Variants in NAMPT observed in about 807,000 individuals in gnomAD.
NAMPT encodes NAmPRTase.
In NAMPT, 7 loss-of-function variants were observed where a neutral mutation model predicts 58.7. The observed-to-expected ratio is 0.12, with a 90% confidence interval of 0.07 to 0.22. The LOEUF is 0.22. Among genes scored for constraint, NAMPT ranks in the 10% least tolerant of loss-of-function variants. The pLI is 1.00. For missense variants in NAMPT, 271 were observed against 567.9 expected, an observed-to-expected ratio of 0.48 and a Z score of 5.31; for synonymous variants, 145 against 198.1, an observed-to-expected ratio of 0.73 and a Z score of 2.25.
intron 1 of NAMPT, among the ~76,000 whole-genome samples, chr7:106,283,562 A>G (rs1395859754): frequency 6.6e-6 from 1 of 152,204 alleles, no homozygotes; most frequent in Non-Finnish European, 1.5e-5. Flanking sequence ...GAACCAAGAG[A>G]ACACAAGAGG....
intron 2 of NAMPT, chr7:106,275,478 C>G (rs919161024): frequency 6.5e-6 from 1 of 153,390 alleles, no homozygotes; most frequent in East Asian, 1.9e-4. Context: ...GTCTGCCCCC[C>G]AAACAACACA....
At chr7:106,285,411 C>T, upstream of NAMPT, 1 of 539,072 alleles carries the variant, frequency 1.9e-6, no homozygotes. Flanking sequence ...GTTCGCCCGC[C>T]CCGCCTGGGA....
Position 106,269,026 on chromosome 7 carries a change from G to C in NAMPT, c.606+128C>G, listed in dbSNP as rs1035313174. The C allele has an allele frequency of 4.4e-5, 36 of 811,142 alleles. No individual in the cohort carries two copies. The African/African-American group carries it at 6.3e-4, about 14-fold the overall frequency. 50.2% of individuals were successfully genotyped at this position (811,142 alleles called of 1,614,324 possible). On this transcript the variant is annotated intron_variant, in intron 5 of 10. Transcript: ENST00000222553. ...GAACACAGTAGTAGGTACTGAATAT[G>C]TATCTGTTGGTTGAATCTTTGGAAT...
intron 8 of NAMPT, among the ~76,000 whole-genome samples, chr7:106,259,743 T>C (rs142659826): frequency 3.1e-4 from 47 of 152,294 alleles, no homozygotes; most frequent in African/African-American, 1.0e-3. Context: ...TCCTAAATAA[T>C]AGCATCTGAA....
At position 106,250,944 on chromosome 7, in the gene NAMPT, A is replaced by G; in HGVS notation, c.*139T>C. On this transcript the variant is annotated 3_prime_UTR_variant, in exon 11 of 11. Transcript: ENST00000222553. ...ATTTGAGATCACCTAAACACTGGAAAAGAAAAAAAATGAAAGGGCAGTATG... is the reference window on the plus strand; with the variant it reads ...ATTTGAGATCACCTAAACACTGGAAGAGAAAAAAAATGAAAGGGCAGTATG... The G allele has an allele frequency of 1.5e-6, 1 of 652,410 alleles. No individual in the cohort carries two copies. Among genetic ancestry groups the G allele is most frequent in the East Asian group, 2.8e-5 (1 of 35,768 alleles). 40.4% of individuals were successfully genotyped at this position (652,410 alleles called of 1,614,324 possible).
chr7:106,257,047 A>G (rs571059258), intron 8 of NAMPT, among the ~76,000 whole-genome samples: 2 of 151,954 alleles, frequency 1.3e-5, no homozygotes, highest in East Asian at 3.9e-4. Context: ...GTGGTGGCAC[A>G]CGCCCGTAAT....
At chr7:106,256,917 T>C (rs920040356) in intron 8 of NAMPT, among the ~76,000 whole-genome samples, 2 of 152,190 alleles carry the variant, frequency 1.3e-5, no homozygotes, top group African/African-American at 4.8e-5. Flanking sequence ...GGCTCACGCC[T>C]GTAATCCCAG....
chr7:106,283,036 A>G (rs529721899), intron 1 of NAMPT, among the ~76,000 whole-genome samples: 1 of 152,326 alleles, frequency 6.6e-6, no homozygotes, highest in Admixed American at 6.5e-5. Flanking sequence ...GGAATACACA[A>G]TCTATTTTAG....
At chr7:106,283,088 T>C (rs116650369) in intron 1 of NAMPT, among the ~76,000 whole-genome samples, 3,551 of 152,260 alleles carry the variant, frequency 0.023, 131 homozygotes, top group African/African-American at 0.082. Context: ...ATCGACTTGA[T>C]TGAACCCTCT....
At position 106,284,982 on chromosome 7, in the gene NAMPT, C is replaced by G; in HGVS notation, c.-98G>C. 1 of 1,489,356 alleles carries G rather than the reference C, an allele frequency of 6.7e-7. No homozygotes were observed. The allele number at this position is 1,489,356 out of a possible 1,614,324, so 92.3% of individuals were successfully genotyped here. A position where few individuals can be genotyped will look rare whatever the true frequency, so the allele number is the denominator to read the frequency against. On this transcript the variant is annotated 5_prime_UTR_variant, in exon 1 of 11. Coordinates refer to ENST00000222553, the MANE Select transcript of NAMPT (RefSeq NM_005746.3). ...TCACCGCGCTCCGTTGCTTAAGTCACTGCTCGGTCGGCGGAGGAGGGGGAG... is the reference window on the plus strand; with the variant it reads ...TCACCGCGCTCCGTTGCTTAAGTCAGTGCTCGGTCGGCGGAGGAGGGGGAG...
chr7:106,252,324 C>T (rs1792118541), intron 10 of NAMPT, among the ~76,000 whole-genome samples: 1 of 151,998 alleles, frequency 6.6e-6, no homozygotes, highest in South Asian at 2.1e-4. Context: ...GATTTACAAA[C>T]ATATTTTTTC....
Position 106,250,151 on chromosome 7 carries a change from C to A in NAMPT, c.*932G>T, listed in dbSNP as rs1485716416. 2.0e-5 allele frequency: 3 copies of A among 152,370 alleles called. No individual in the cohort carries two copies. The highest frequency in any genetic ancestry group is 4.8e-5 in the African/African-American group (2 of 41,392). 9.4% of individuals were successfully genotyped at this position (152,370 alleles called of 1,614,324 possible). Reference sequence around the variant, plus strand: ...ACTCCAGTAATTCATTTAAGTCATACCAACTATAGAATATGAAAAATAAAT... The same window carrying A: ...ACTCCAGTAATTCATTTAAGTCATAACAACTATAGAATATGAAAAATAAAT... On this transcript the variant is annotated 3_prime_UTR_variant, in exon 11 of 11. Coordinates refer to ENST00000222553, the MANE Select transcript of NAMPT (RefSeq NM_005746.3).
chr7:106,275,089 G>A lies in NAMPT; in HGVS notation c.215-40C>T, dbSNP rs746328947. 55 of 1,303,742 alleles carry A rather than the reference G, an allele frequency of 4.2e-5. No individual in the cohort carries two copies. In the Admixed American group the frequency reaches 9.5e-4, roughly 23 times the overall value. 80.8% of individuals were successfully genotyped at this position (1,303,742 alleles called of 1,614,324 possible). On this transcript the variant is annotated intron_variant, in intron 2 of 10. Coordinates refer to ENST00000222553, the MANE Select transcript of NAMPT (RefSeq NM_005746.3). Reference sequence around the variant, plus strand: ...ATGTCCTGTTTACATTTCTAAAGGTGCATTCTGTGAGTTGCTGAACTGTCA... The same window carrying A: ...ATGTCCTGTTTACATTTCTAAAGGTACATTCTGTGAGTTGCTGAACTGTCA...
chr7:106,275,001 T>C lies in NAMPT; in HGVS notation c.263A>G (p.Lys88Arg), dbSNP rs373913615. ...AAAGACATCATCTTGGAAATGTTCT[T>C]TGTAGACATCTTTGGCTTCCTGGAT... ...EKIQEAKDVY[K>R]EHFQDDVFNE... is the part of the protein sequence containing the mutation. Residue 88 changes from lysine to arginine, a missense_variant, in exon 3 of 11, where the codon AAA becomes AGA. Around this residue, in one of 4 missense-constraint regions of NAMPT, gnomAD observed 103 missense variants for 194.2 expected, o/e 0.53. Transcript: ENST00000222553. 1.2e-6 allele frequency: 2 copies of C among 1,612,702 alleles called. No individual in the cohort carries two copies. The highest frequency in any genetic ancestry group is 1.3e-5 in the African/African-American group (1 of 75,022).
intron 4 of NAMPT, chr7:106,272,179 T>A (rs1456284891): frequency 3.2e-6 from 1 of 316,142 alleles, no homozygotes; most frequent in African/African-American, 2.3e-5. Flanking sequence ...CTTGAACATT[T>A]ATCATTCATC....
At chr7:106,256,954 T>A (rs1792211905) in intron 8 of NAMPT, among the ~76,000 whole-genome samples, 1 of 152,002 alleles carries the variant, frequency 6.6e-6, no homozygotes, top group Admixed American at 6.6e-5. Flanking sequence ...GGCAGGCAGA[T>A]CACCTGAGGT....
At chr7:106,277,233 C>G in intron 1 of NAMPT, 54 bp from the exon 2 acceptor site, 1 of 1,428,674 alleles carries the variant, frequency 7.0e-7, no homozygotes, top group Non-Finnish European at 9.7e-7. Flanking sequence ...GACTATAAAT[C>G]ACAACAGAAA....
At position 106,265,565 on chromosome 7, in the gene NAMPT, C is replaced by CT. The variant is rs539671313; in HGVS notation, c.744-1949dup. Among the ~76,000 whole-genome samples, 693 of 110,752 alleles carry CT rather than the reference C, an allele frequency of 6.3e-3. 14 individuals are homozygous for CT. Among genetic ancestry groups the CT allele is most frequent in the African/African-American group, 0.026 (659 of 25,572 alleles). 72.7% of individuals were successfully genotyped at this position (110,752 alleles called of 152,430 possible). ...ATACCTTGTGTGAAACACTCAAAAGCTTAAAAAAAAAAAAAAAAAAAAAGT... is the reference window on the plus strand; with the variant it reads ...ATACCTTGTGTGAAACACTCAAAAGCTTTAAAAAAAAAAAAAAAAAAAAAGT... On this transcript the variant is annotated intron_variant, in intron 6 of 10. Transcript: ENST00000222553.
intron 1 of NAMPT, among the ~76,000 whole-genome samples, chr7:106,280,282 A>G (rs1792736583): frequency 1.3e-5 from 2 of 152,144 alleles, no homozygotes; most frequent in Non-Finnish European, 2.9e-5. Context: ...AGAAGAATTA[A>G]TACCTCCCAC....
Sources: allele counts gnomAD v4.1 joint callset (sites outside exome capture counted in the v4.1 genomes callset), GRCh38; gene constraint gnomAD v4.1.1; regional missense constraint gnomAD v4.1.1; transcripts MANE v1.5; gene names NCBI Gene and HGNC (gene_info 2026-07-23, HGNC 2026-07-21).